The following SGK1 variants were observed in gnomAD, a reference collection of about 807,000 sequenced individuals.
The protein encoded by SGK1 is serine/threonine-protein kinase Sgk1.
In SGK1, 26 loss-of-function variants were observed where a neutral mutation model predicts 64.2. That is an observed-to-expected ratio of 0.40 (90% CI 0.30 to 0.56). The LOEUF (loss-of-function observed/expected upper bound fraction) is 0.56. Ranked by LOEUF, SGK1 falls within the 20% of genes least tolerant of loss-of-function variation. The pLI is 0.38. For synonymous variants in SGK1, 265 were observed against 239.7 expected, an observed-to-expected ratio of 1.11 and a Z score of -0.98; for missense variants, 519 against 645.6, an observed-to-expected ratio of 0.80 and a Z score of 2.12.
chr6:134,172,155 C>T (rs765473899), intron 10 of SGK1, 38 bp downstream of exon 10: 46 of 1,605,276 alleles, frequency 2.9e-5, no homozygotes, highest in South Asian at 6.7e-5. Context: ...TCTTGGAAGG[C>T]GGGGGTAAAC....
At chr6:134,297,796 C>T (rs9389155) in intron 1 of SGK1, 121,804 of 592,558 alleles carry the variant, frequency 0.21, 16,081 homozygotes, top group East Asian at 0.63. Flanking sequence ...CCACTGCGCC[C>T]GGCCTAGATC....
chr6:134,271,995 C>A (rs1454249918), intron 1 of SGK1, among the ~76,000 whole-genome samples: 1 of 147,066 alleles, frequency 6.8e-6, no homozygotes, highest in Non-Finnish European at 1.5e-5. Context: ...GCACACACCA[C>A]CACACCCAGC....
intron 2 of SGK1, among the ~76,000 whole-genome samples, chr6:134,229,099 G>C (rs2114711036): frequency 1.3e-5 from 2 of 152,360 alleles, no homozygotes; most frequent in South Asian, 4.1e-4. Flanking sequence ...CCAAAGTGCT[G>C]GGATTACAGG....
chr6:134,258,044 G>C (rs1431509112), intron 2 of SGK1, among the ~76,000 whole-genome samples: 1 of 151,928 alleles, frequency 6.6e-6, no homozygotes, highest in African/African-American at 2.4e-5. Flanking sequence ...GGACAGAGTT[G>C]CCTTTTCAAT....
chr6:134,230,174 T>G (rs927511802), intron 2 of SGK1, among the ~76,000 whole-genome samples: 3 of 152,020 alleles, frequency 2.0e-5, no homozygotes, highest in South Asian at 2.1e-4. Flanking sequence ...AAAATCAGCC[T>G]CAAAGATTAT....
intron 2 of SGK1, among the ~76,000 whole-genome samples, chr6:134,220,084 A>AAAAAAAAAAAG (rs1776065250): frequency 7.6e-6 from 1 of 131,632 alleles, no homozygotes; most frequent in African/African-American, 2.8e-5. Context: ...AAAAAAAAAA[A>AAAAAAAAAAAG]AAAGAAAAGA....
chr6:134,261,174 A>G (rs1359034206), intron 2 of SGK1: 1 of 152,246 alleles, frequency 6.6e-6, no homozygotes, highest in African/African-American at 2.4e-5. Flanking sequence ...ATGTGAGTAT[A>G]TATGAGCTTG....
In SGK1 at chr6:134,171,083, G is replaced by A. The variant is rs376904641; in HGVS notation, c.1263C>T (p.His421=). 5.0e-6 allele frequency: 8 copies of A among 1,614,140 alleles called. No individual in the cohort carries two copies. Among genetic ancestry groups the A allele is most frequent in the South Asian group, 2.2e-5 (2 of 91,090 alleles). Residue 421 remains histidine (H), a synonymous_variant, in exon 12 of 14, where the codon CAC becomes CAT. Coordinates refer to ENST00000367858, the MANE Select transcript of SGK1 (RefSeq NM_001143676.3). The stretch of plus-strand genomic sequence containing the variant: ...CCTTCTGCAGGAGGCCCTCCAGGAG[G>A]TGTCTTGCGGAATTTGTAATATTTG... ...LKPNITNSAR[H]LLEGLLQKDR...
chr6:134,186,930 C>T (rs770500348), intron 3 of SGK1, among the ~76,000 whole-genome samples: 7 of 152,062 alleles, frequency 4.6e-5, no homozygotes, highest in Admixed American at 6.5e-5. Context: ...AATTCTCCTG[C>T]CTCAGCCTCC....
intron 5 of SGK1, 50 bp from the exon 6 acceptor site, chr6:134,173,616 G>A (rs1271479378): frequency 1.6e-6 from 2 of 1,256,398 alleles, no homozygotes; most frequent in Non-Finnish European, 2.3e-6. Context: ...TTCAAAGGAA[G>A]ACATCTATAA....
chr6:134,266,491 C>T (rs531710096), intron 1 of SGK1, among the ~76,000 whole-genome samples: 3 of 152,000 alleles, frequency 2.0e-5, no homozygotes, highest in South Asian at 4.2e-4. Flanking sequence ...GGTGCACACC[C>T]GTAACCCCAG....
chr6:134,297,542 G>A (rs570656800), intron 1 of SGK1: 13 of 523,426 alleles, frequency 2.5e-5, no homozygotes, highest in South Asian at 1.1e-4. Flanking sequence ...TCACTCTGTC[G>A]CCCAGGCTGG....
intron 1 of SGK1, among the ~76,000 whole-genome samples, chr6:134,300,590 G>C (rs1777436996): frequency 6.7e-6 from 1 of 149,420 alleles, no homozygotes; most frequent in Non-Finnish European, 1.5e-5. Context: ...CCAAGGGATA[G>C]GCCCTGGAGA....
intron 3 of SGK1, among the ~76,000 whole-genome samples, chr6:134,191,254 C>G (rs1582700030): frequency 6.6e-6 from 1 of 152,128 alleles, no homozygotes; most frequent in East Asian, 1.9e-4. Context: ...TTATGCTATT[C>G]ATAAAATCAT....
chr6:134,170,672 G>A (rs1774986437), intron 13 of SGK1, 154 bp downstream of exon 13: 3 of 710,206 alleles, frequency 4.2e-6, no homozygotes, highest in South Asian at 2.0e-5. Flanking sequence ...AGCCTTGTTG[G>A]GACACAAAAA....
At chr6:134,285,525 A>G (rs1019730620) in intron 1 of SGK1, among the ~76,000 whole-genome samples, 1 of 147,088 alleles carries the variant, frequency 6.8e-6, no homozygotes, top group African/African-American at 2.5e-5. Context: ...CATCCGCACC[A>G]GCATCAATTT....
chr6:134,270,247 G>A (rs1225942027), intron 1 of SGK1, among the ~76,000 whole-genome samples: 2 of 147,774 alleles, frequency 1.4e-5, no homozygotes, highest in African/African-American at 4.9e-5. Context: ...CTTTTCTCTA[G>A]TGTTTGTAGT....
At chr6:134,174,340 G>A in intron 4 of SGK1, 171 bp downstream of exon 4, 1 of 621,472 alleles carries the variant, frequency 1.6e-6, no homozygotes, top group Non-Finnish European at 2.8e-6. Flanking sequence ...AGCCAAATCA[G>A]CAAATTAACT....
chr6:134,176,836 A>C (rs541963208), intron 3 of SGK1, among the ~76,000 whole-genome samples: 89 of 152,282 alleles, frequency 5.8e-4, no homozygotes, highest in African/African-American at 2.1e-3. Flanking sequence ...GCTTTGTTGC[A>C]ACAGCCCCAA....
Sources: allele counts gnomAD v4.1 joint callset (sites outside exome capture counted in the v4.1 genomes callset), GRCh38; gene constraint gnomAD v4.1.1; transcripts MANE v1.5; gene names NCBI Gene and HGNC (gene_info 2026-07-23, HGNC 2026-07-21).